Variants in CTXND1 observed in about 807,000 individuals in gnomAD.
CTXND1 encodes the protein cortexin domain containing 1.
At chr15:80,248,169 A>G (rs952335844) in intron 1 of CTXND1, among the ~76,000 whole-genome samples, 10 of 152,176 alleles carry the variant, frequency 6.6e-5, no homozygotes, top group Non-Finnish European at 1.2e-4. Flanking sequence ...TCACATACAA[A>G]TGAACCAACT....
chr15:80,239,675 T>TTA (rs1379217407), intron 1 of CTXND1, among the ~76,000 whole-genome samples: 4 of 152,062 alleles, frequency 2.6e-5, no homozygotes, highest in African/African-American at 9.7e-5. Flanking sequence ...AATAAACTCT[T>TTA]TATATATATA....
chr15:80,235,295 G>A (rs988593853), intron 1 of CTXND1, among the ~76,000 whole-genome samples: 7 of 152,168 alleles, frequency 4.6e-5, no homozygotes, highest in Non-Finnish European at 8.8e-5. Context: ...TAGGGTAAAT[G>A]TTTTTCTCTC....
At chr15:80,213,666 C>T (rs1399080330) in intron 1 of CTXND1, among the ~76,000 whole-genome samples, 1 of 152,150 alleles carries the variant, frequency 6.6e-6, no homozygotes, top group East Asian at 1.9e-4. Flanking sequence ...AAAGAAACAA[C>T]AGGTTATCCA....
chr15:80,221,875 T>C (rs1237188335), intron 1 of CTXND1, among the ~76,000 whole-genome samples: 1 of 152,222 alleles, frequency 6.6e-6, no homozygotes, highest in Admixed American at 6.5e-5. Context: ...TTTGGAAATA[T>C]GTTTCTCAAA....
At chr15:80,211,101 C>T (rs1031632219) in intron 1 of CTXND1, among the ~76,000 whole-genome samples, 6 of 152,202 alleles carry the variant, frequency 3.9e-5, no homozygotes, top group Non-Finnish European at 5.9e-5. Flanking sequence ...GAGTCTGAGT[C>T]TGCTGAGGGG....
Position 80,195,651 on chromosome 15 carries a change from C to T in CTXND1, c.*6119G>A, listed in dbSNP as rs2041416608. 6.6e-6 allele frequency: 1 copy of T among 152,146 alleles called. No homozygotes were observed. The highest frequency in any genetic ancestry group is 1.5e-5 in the Non-Finnish European group (1 of 68,034). The allele number at this position is 152,146 out of a possible 1,614,324, so 9.4% of individuals were successfully genotyped here. A position where few individuals can be genotyped will look rare whatever the true frequency, so the allele number is the denominator to read the frequency against. On this transcript the variant is annotated 3_prime_UTR_variant, in exon 3 of 3. Coordinates refer to ENST00000560778, the MANE Select transcript of CTXND1 (RefSeq NM_001352888.2). ...CCAAACACCCCCTTCATAACAAACC[C>T]ACTCTTGAGATAACTGCATTAATCC...
chr15:80,236,867 C>T (rs1011564080), intron 1 of CTXND1, among the ~76,000 whole-genome samples: 5 of 151,816 alleles, frequency 3.3e-5, no homozygotes, highest in Admixed American at 6.6e-5. Context: ...CATCATAGTG[C>T]AATGTATTAC....
In CTXND1 at chr15:80,200,813, G is replaced by A. The variant is rs140828925; in HGVS notation, c.*957C>T. 5 of 152,144 alleles carry A rather than the reference G, an allele frequency of 3.3e-5. No individual in the cohort carries two copies. The highest frequency in any genetic ancestry group is 6.5e-5 in the Admixed American group (1 of 15,274). 9.4% of individuals were successfully genotyped at this position (152,144 alleles called of 1,614,324 possible). A position where few individuals can be genotyped will look rare whatever the true frequency, so the allele number is the denominator to read the frequency against. ...ACTGTGCACCCCCAAAAAGGGTACC[G>A]GGCGAAATCATTTTGTGTGAGGAAA... On this transcript the variant is annotated 3_prime_UTR_variant, in exon 3 of 3. Transcript: ENST00000560778.
intron 2 of CTXND1, among the ~76,000 whole-genome samples, chr15:80,202,490 G>C (rs1893089693): frequency 1.3e-5 from 2 of 152,164 alleles, no homozygotes; most frequent in Non-Finnish European, 2.9e-5. Flanking sequence ...TCACTCTGTT[G>C]CTCAGGCTGG....
At position 80,204,647 on chromosome 15, in the gene CTXND1, G is replaced by GTATATATATATATATATATATATATA. The variant is rs35359063; in HGVS notation, c.-217-933_-217-908dup. Reference sequence around the variant, plus strand: ...TTTAAGGTCCGAATAATATTCCATTGTATATATATATATATATATATATAT... The same window carrying GTATATATATATATATATATATATATA: ...TTTAAGGTCCGAATAATATTCCATTGTATATATATATATATATATATATATATATATATATATATATATATATATAT... On this transcript the variant is annotated intron_variant, in intron 1 of 2. Transcript: ENST00000560778. Among the ~76,000 whole-genome samples, 29 of 131,374 alleles carry GTATATATATATATATATATATATATA rather than the reference G, an allele frequency of 2.2e-4. 1 individual carries two copies. Among genetic ancestry groups the GTATATATATATATATATATATATATA allele is most frequent in the African/African-American group, 6.1e-4 (21 of 34,384 alleles). The allele number at this position is 131,374 out of a possible 152,430, so 86.2% of individuals were successfully genotyped here.
chr15:80,234,476 C>CTTTTT (rs5814009), intron 1 of CTXND1, among the ~76,000 whole-genome samples: 20 of 133,764 alleles, frequency 1.5e-4, no homozygotes, highest in African/African-American at 5.6e-4. Flanking sequence ...TGAACATGCC[C>CTTTTT]TTTTTTTTTT....
intron 1 of CTXND1, among the ~76,000 whole-genome samples, chr15:80,250,506 TG>T (rs1893680946): frequency 6.6e-6 from 1 of 152,246 alleles, no homozygotes. Flanking sequence ...ATTACTTGCA[TG>T]CCGTTCAAAA....
At chr15:80,237,061 C>T (rs117661327) in intron 1 of CTXND1, among the ~76,000 whole-genome samples, 7,486 of 151,738 alleles carry the variant, frequency 0.049, 265 homozygotes, top group Middle Eastern at 0.12. Context: ...GTTGGCCAGG[C>T]GCGGTGGCTC....
intron 1 of CTXND1, among the ~76,000 whole-genome samples, chr15:80,236,781 T>TAA (rs375195033): frequency 0.18 from 24,689 of 141,018 alleles, 2,594 homozygotes; most frequent in East Asian, 0.38. Flanking sequence ...GGACTCGGTC[T>TAA]AAAAAAAAAA....
intron 1 of CTXND1, among the ~76,000 whole-genome samples, chr15:80,225,491 C>T (rs573531568): frequency 6.6e-6 from 1 of 152,038 alleles, no homozygotes; most frequent in Admixed American, 6.6e-5. Flanking sequence ...ATACAGATAG[C>T]GAATCTTATG....
At chr15:80,210,158 C>T (rs1405553824) in intron 1 of CTXND1, among the ~76,000 whole-genome samples, 1 of 152,182 alleles carries the variant, frequency 6.6e-6, no homozygotes, top group African/African-American at 2.4e-5. Flanking sequence ...CTTCCACTGG[C>T]CTCTGAATCT....
chr15:80,243,177 TGGGAGTCTCAGGGTCTCCTACA>T (rs1893589948), intron 1 of CTXND1, among the ~76,000 whole-genome samples: 1 of 152,184 alleles, frequency 6.6e-6, no homozygotes, highest in African/African-American at 2.4e-5. Context: ...GGCCCAGCTT[TGGGAGTCTCAGGGTCTCCTACA>T]GGGCCTAGTT....
chr15:80,247,869 G>A (rs750574526), intron 1 of CTXND1, among the ~76,000 whole-genome samples: 4 of 152,074 alleles, frequency 2.6e-5, no homozygotes, highest in South Asian at 2.1e-4. Context: ...GACTATCACC[G>A]CACAATTCTG....
At position 80,201,035 on chromosome 15, in the gene CTXND1, GT is replaced by G. The variant is rs2041446232; in HGVS notation, c.*734del. On this transcript the variant is annotated 3_prime_UTR_variant, in exon 3 of 3. Coordinates refer to ENST00000560778, the MANE Select transcript of CTXND1 (RefSeq NM_001352888.2). ...GTATGAATTTGACTAAAAAATACAA[GT>G]AAAAAGGCTGGAAGAAAATATATCA... is the stretch of plus-strand genomic sequence containing the variant. The G allele has an allele frequency of 6.6e-6, 1 of 152,134 alleles. No individual in the cohort carries two copies. The highest frequency in any genetic ancestry group is 1.5e-5 in the Non-Finnish European group (1 of 68,010). The allele number at this position is 152,134 out of a possible 1,614,324, so 9.4% of individuals were successfully genotyped here. A position where few individuals can be genotyped will look rare whatever the true frequency, so the allele number is the denominator to read the frequency against.
Sources: gnomAD v4.1 joint callset for allele counts (sites outside exome capture counted in the v4.1 genomes callset) on GRCh38, gnomAD v4.1.1 for gene constraint, MANE v1.5 for transcripts, NCBI Gene and HGNC (gene_info 2026-07-23, HGNC 2026-07-21) for gene names.